Variants in LAMB2 observed in about 807,000 individuals in gnomAD.
The protein encoded by LAMB2 is laminin subunit beta-2.
A neutral mutation model predicts 202.7 loss-of-function variants in LAMB2; 119 were observed. The observed-to-expected ratio is 0.59, with a 90% CI of 0.51 to 0.68. The LOEUF (loss-of-function observed/expected upper bound fraction) is 0.68. Ranked by LOEUF, LAMB2 falls within the 30% of genes least tolerant of loss-of-function variation. The pLI is 0.00. For synonymous variants in LAMB2, 818 were observed against 902.2 expected (o/e 0.91, Z 1.67); for missense variants, 2,124 against 2,410.6 (o/e 0.88, Z 2.49).
At chr3:49,124,320 A>G (rs367666620) in intron 22 of LAMB2, 34 bp from the exon 23 acceptor site, 54 of 1,610,268 alleles carry the variant, frequency 3.4e-5, no homozygotes, top group Non-Finnish European at 4.2e-5. Context: ...CAGAGCCTCT[A>G]TAAGAGGCTA....
In LAMB2 at chr3:49,130,938, G is replaced by A. The variant is rs1298722490; in HGVS notation, c.915+12C>T. ...GCCCCTAGCCCTATCCCAACCGTCT[G>A]AAGCCCCTTACCATGCCCTCAGCAT... On this transcript the variant is annotated intron_variant, in intron 7 of 31. Coordinates refer to ENST00000305544, the MANE Select transcript of LAMB2 (RefSeq NM_002292.4). The surrounding 1 kb of genome is among the most constrained non-coding windows in gnomAD (Gnocchi z 5.0). 4 of 1,614,020 alleles carry A rather than the reference G, an allele frequency of 2.5e-6. No homozygotes were observed. In the African/African-American group the frequency reaches 4.0e-5, roughly 16 times the overall value.
In LAMB2 at chr3:49,124,740, G is replaced by C. The variant is rs201823350; in HGVS notation, c.3070C>G (p.Pro1024Ala). The C allele has an allele frequency of 1.9e-6, 3 of 1,614,220 alleles. No homozygotes were observed. The highest frequency in any genetic ancestry group is 2.5e-6 in the Non-Finnish European group (3 of 1,180,042). ...CGGGCAGCCTGCCCATGGAAGCCAG[G>C]CTTGCAGTGGGCACAGTGTGGACCC... is the stretch of plus-strand genomic sequence containing the variant. ...TEGPHCAHCK[P>A]GFHGQAARQS... The change falls in exon 21 of 32, where the codon CCT (proline) becomes GCT (alanine). Residue 1024 changes from proline (P) to alanine (A), a missense_variant. By Grantham distance (27) the Pro-to-Ala change is conservative. This residue lies in a region of LAMB2 where 1,702 missense variants were observed against 1,896.3 expected (regional missense o/e 0.90). Coordinates refer to ENST00000305544, the MANE Select transcript of LAMB2 (RefSeq NM_002292.4).
In LAMB2 at chr3:49,126,467, A is replaced by C. The variant is rs1312611976; in HGVS notation, c.2049T>G (p.Leu683=). The change falls in exon 16 of 32, where the codon CTT becomes CTG. Residue 683 remains leucine, a synonymous_variant. Coordinates refer to ENST00000305544, the MANE Select transcript of LAMB2 (RefSeq NM_002292.4). ...RYLIFPNPVC[L]EPGISYKLHL... ...GCAGCTTGTAGGAGATACCAGGCTC[A>C]AGGCAGACAGGATTAGGAAATATCA... The C allele has an allele frequency of 7.4e-6, 12 of 1,614,022 alleles. No individual in the cohort carries two copies. Among genetic ancestry groups the C allele is most frequent in the Non-Finnish European group, 8.5e-6 (10 of 1,180,016 alleles).
At chr3:49,126,617 G>C (rs2045418915) in intron 15 of LAMB2, 120 bp from the exon 16 acceptor site, 1 of 1,334,568 alleles carries the variant, frequency 7.5e-7, no homozygotes, top group South Asian at 1.3e-5. Flanking sequence ...CTATGGCTGG[G>C]TTGCGTTGGG....
At position 49,125,004 on chromosome 3, in the gene LAMB2, A is replaced by G. The variant is rs760488502; in HGVS notation, c.2884+2T>C. 1 of 1,613,806 alleles carries G rather than the reference A, an allele frequency of 6.2e-7. No individual in the cohort carries two copies. The highest frequency in any genetic ancestry group is 2.2e-5 in the East Asian group (1 of 44,868). Reference sequence around the variant, plus strand: ...ATCCCACGCCTGCCCCCATCCACTCACCCGTATAGCCTGCCCGGCAGTGGC... The same window carrying G: ...ATCCCACGCCTGCCCCCATCCACTCGCCCGTATAGCCTGCCCGGCAGTGGC... On this transcript the variant is annotated splice_donor_variant, in intron 20 of 31. Coordinates refer to ENST00000305544, the MANE Select transcript of LAMB2 (RefSeq NM_002292.4). LOFTEE classifies it high-confidence loss of function.
chr3:49,126,024 CAGAG>C lies in LAMB2; in HGVS notation c.2283_2286del (p.Ser762ArgfsTer29), dbSNP rs1472429542. On this transcript the variant is annotated frameshift_variant, in exon 17 of 32. Coordinates refer to ENST00000305544, the MANE Select transcript of LAMB2 (RefSeq NM_002292.4). LOFTEE classifies it high-confidence loss of function. ...CTGATGAGGAGGGGTGCGCAGGCCT[CAGAG>C]GGAGAAGTCTTGCTGGGCACCAGAC... is the stretch of plus-strand genomic sequence containing the variant. 6.2e-7 allele frequency: 1 copy of C among 1,614,156 alleles called. No homozygotes were observed.
chr3:49,125,056 T>A lies in LAMB2; in HGVS notation c.2834A>T (p.Gln945Leu). ...CACAATCTGCTGGGAATATTCATCC[T>A]GGTGGCAAGAAGTAGCAAAGTGCCG... ...SQRHFATSCH[Q>L]DEYSQQIVCH... The change falls in exon 20 of 32, where the codon CAG becomes CTG. Residue 945 changes from glutamine to leucine, a missense_variant. This residue lies in a region of LAMB2 where 1,702 missense variants were observed against 1,896.3 expected (regional missense o/e 0.90). Coordinates refer to ENST00000305544, the MANE Select transcript of LAMB2 (RefSeq NM_002292.4). 6.2e-7 allele frequency: 1 copy of A among 1,613,986 alleles called. No individual in the cohort carries two copies. The highest frequency in any genetic ancestry group is 8.5e-7 in the Non-Finnish European group (1 of 1,180,050).
In LAMB2 at chr3:49,129,798, G is replaced by T. The variant is rs754016806; in HGVS notation, c.1405+41C>A. 1 of 1,612,032 alleles carries T rather than the reference G, an allele frequency of 6.2e-7. No individual in the cohort carries two copies. Among genetic ancestry groups the T allele is most frequent in the South Asian group, 1.1e-5 (1 of 91,040 alleles). On this transcript the variant is annotated intron_variant, in intron 10 of 31. Transcript: ENST00000305544. This position sits in a 1 kb window ranked among gnomAD's most constrained non-coding sequence, Gnocchi z 6.1. ...GCTGAGTCAGGAGTAAGAGGACAGG[G>T]GTTAAAGGTCAGCATAGAAGTTAGG...
In LAMB2 at chr3:49,121,470, C is replaced by G. The variant is rs1172373243; in HGVS notation, c.5223G>C (p.Leu1741=). 14 of 1,614,038 alleles carry G rather than the reference C, an allele frequency of 8.7e-6. No individual in the cohort carries two copies. Among genetic ancestry groups the G allele is most frequent in the Non-Finnish European group, 1.1e-5 (13 of 1,180,046 alleles). ...AEQLRDEARD[L]LQAAQDKLQR... Reference sequence around the variant, plus strand: ...GCAGCTTGTCCTGAGCGGCTTGCAACAGGTCCCGAGCCTCATCCCGCAGTT... The same window carrying G: ...GCAGCTTGTCCTGAGCGGCTTGCAAGAGGTCCCGAGCCTCATCCCGCAGTT... Residue 1741 remains leucine (L), a synonymous_variant, in exon 31 of 32, where the codon CTG becomes CTC. Transcript: ENST00000305544.
At chr3:49,121,617 G>A (rs1484418284) in intron 30 of LAMB2, 25 bp from the exon 31 acceptor site, 1 of 1,614,042 alleles carries the variant, frequency 6.2e-7, no homozygotes, top group Admixed American at 1.7e-5. Context: ...GGTTAGGTTA[G>A]CGTGGTAGCT....
In LAMB2 at chr3:49,125,903, G is replaced by C; in HGVS notation, c.2345-13C>G. 3 of 1,614,132 alleles carry C rather than the reference G, an allele frequency of 1.9e-6. No individual in the cohort carries two copies. The highest frequency in any genetic ancestry group is 2.5e-6 in the Non-Finnish European group (3 of 1,180,010). On this transcript the variant is annotated splice_polypyrimidine_tract_variant and intron_variant, in intron 17 of 31. Transcript: ENST00000305544. The stretch of plus-strand genomic sequence containing the variant: ...TTGCACTGACATGCTGTGGGGAGGA[G>C]GGTTGGGCCAAGTCAGGCTGGGTCC...
chr3:49,121,730 T>C lies in LAMB2; in HGVS notation c.5054A>G (p.Glu1685Gly). ...ACCCTGGGCACTGCCTGCCGTTTCT[T>C]CTGCTGTAGAGGCTGCCAGACTATT... is the stretch of plus-strand genomic sequence containing the variant. ...AGNSLAASTA[E>G]ETAGSAQGRA... is the part of the protein sequence containing the mutation. The change falls in exon 30 of 32, where the codon GAA (glutamate) becomes GGA (glycine). Residue 1685 changes from glutamate (E) to glycine (G), a missense_variant. Around this residue, in one of 3 missense-constraint regions of LAMB2, gnomAD observed 1,702 missense variants for 1,896.3 expected, o/e 0.90. Transcript: ENST00000305544. The C allele has an allele frequency of 1.2e-6, 2 of 1,613,986 alleles. No individual in the cohort carries two copies. The highest frequency in any genetic ancestry group is 1.7e-6 in the Non-Finnish European group (2 of 1,180,042).
Position 49,131,684 on chromosome 3 carries a change from C to T in LAMB2, c.499G>A (p.Asp167Asn). The T allele has an allele frequency of 6.2e-7, 1 of 1,613,578 alleles. No homozygotes were observed. The highest frequency in any genetic ancestry group is 1.6e-4 in the Middle Eastern group (1 of 6,062). The change falls in exon 5 of 32, where the codon GAC becomes AAC. Residue 167 changes from aspartate (D) to asparagine (N), a missense_variant. Physicochemically the swap from Asp to Asn is conservative, Grantham distance 23. Around this residue, in one of 3 missense-constraint regions of LAMB2, gnomAD observed 256 missense variants for 356.1 expected, o/e 0.72. Transcript: ENST00000305544. This position sits in a 1 kb window ranked among gnomAD's most constrained non-coding sequence, Gnocchi z 5.0. ...TACACATGCCAGGTGCGGCCAAAGT[C>T]TGCTGAGCGTTCCACCAGCATGGCA... ...PAAMLVERSA[D>N]FGRTWHVYRY...
Position 49,121,856 on chromosome 3 carries a change from T to C in LAMB2, c.4928A>G (p.Gln1643Arg), listed in dbSNP as rs201844235. 1.6e-4 allele frequency: 253 copies of C among 1,613,214 alleles called. 2 individuals are homozygous for C. The South Asian group carries it at 2.6e-3, about 17-fold the overall frequency. ...RDTEQTLYQV[Q>R]ERMAGAERAL... ...CCGCTCTGCACCTGCCATCCTCTCC[T>C]GTACCTGCCATGGGTGAGCCAAAGG... Residue 1643 changes from glutamine to arginine, a missense_variant, in exon 30 of 32, where the codon CAG becomes CGG. This residue lies in a region of LAMB2 where 1,702 missense variants were observed against 1,896.3 expected (regional missense o/e 0.90). Coordinates refer to ENST00000305544, the MANE Select transcript of LAMB2 (RefSeq NM_002292.4).
In LAMB2 at chr3:49,131,610, T is replaced by C; in HGVS notation, c.573A>G (p.Leu191=). 1.2e-6 allele frequency: 2 copies of C among 1,613,790 alleles called. No homozygotes were observed. The highest frequency in any genetic ancestry group is 8.5e-7 in the Non-Finnish European group (1 of 1,180,000). Residue 191 remains leucine, a synonymous_variant, in exon 5 of 32, where the codon CTA becomes CTG. Transcript: ENST00000305544. This position sits in a 1 kb window ranked among gnomAD's most constrained non-coding sequence, Gnocchi z 5.0. The part of the protein sequence containing the change: ...DCGADFPGVP[L]APPRHWDDVV... ...CATCATCCCAGTGCCGTGGGGGTGC[T>C]AGTGGGACTCCTGGGAAGTCAGCCC...
rs2107645646 is a variant in LAMB2 at position 49,132,512 on chromosome 3, G to A, written c.228C>T (p.Tyr76=). 6.2e-7 allele frequency: 1 copy of A among 1,613,916 alleles called. No homozygotes were observed. The highest frequency in any genetic ancestry group is 8.5e-7 in the Non-Finnish European group (1 of 1,180,032). Residue 76 remains tyrosine, a synonymous_variant, in exon 2 of 32, where the codon TAC becomes TAT. Coordinates refer to ENST00000305544, the MANE Select transcript of LAMB2 (RefSeq NM_002292.4). The surrounding 1 kb of genome is among the most constrained non-coding windows in gnomAD (Gnocchi z 4.6). ...ACACCTGCAGGTGACTGACGATGCA[G>A]TAGGGCTGGGGGCCATTCAGGCCAC... ...STCGLNGPQP[Y]CIVSHLQDEK...
In LAMB2 at chr3:49,124,970, C is replaced by T. The variant is rs534939086; in HGVS notation, c.2884+36G>A. The stretch of plus-strand genomic sequence containing the variant: ...AGCTGTGAGTGCTCAGCCCAGCCAA[C>T]TCACCCTGATCCCACGCCTGCCCCC... On this transcript the variant is annotated intron_variant, in intron 20 of 31. Coordinates refer to ENST00000305544, the MANE Select transcript of LAMB2 (RefSeq NM_002292.4). The T allele has an allele frequency of 1.6e-4, 263 of 1,613,976 alleles. 1 individual carries two copies. In the South Asian group the frequency reaches 2.6e-3, roughly 16 times the overall value.
Position 49,132,901 on chromosome 3 carries a change from A to G in LAMB2, c.-34T>C, listed in dbSNP as rs201768942. The G allele has an allele frequency of 1.9e-6, 3 of 1,599,696 alleles. No homozygotes were observed. The East Asian group carries it at 6.7e-5, about 36-fold the overall frequency. On this transcript the variant is annotated 5_prime_UTR_variant, in exon 1 of 32. Transcript: ENST00000305544. The surrounding 1 kb of genome is among the most constrained non-coding windows in gnomAD (Gnocchi z 4.6). The stretch of plus-strand genomic sequence containing the variant: ...GGGGAACAGGGATAAGGGGAGGTGA[A>G]CGGTCTCGGGCCCGAGCCCTCCTCC...
In LAMB2 at chr3:49,131,645, A is replaced by T; in HGVS notation, c.538T>A (p.Tyr180Asn). Residue 180 changes from tyrosine (Y) to asparagine (N), a missense_variant, in exon 5 of 32, where the codon TAT (tyrosine) becomes AAT (asparagine). Physicochemically the swap from Tyr to Asn is moderately radical, Grantham distance 143. Coordinates refer to ENST00000305544, the MANE Select transcript of LAMB2 (RefSeq NM_002292.4). The surrounding 1 kb of genome is among the most constrained non-coding windows in gnomAD (Gnocchi z 5.0). The part of the protein sequence containing the change: ...RTWHVYRYFS[Y>N]DCGADFPGVP... ...CCTGGGAAGTCAGCCCCACAGTCAT[A>T]GGAGAAATATCGGTACACATGCCAG... 1 of 1,613,728 alleles carries T rather than the reference A, an allele frequency of 6.2e-7. No individual in the cohort carries two copies. Among genetic ancestry groups the T allele is most frequent in the Non-Finnish European group, 8.5e-7 (1 of 1,180,010 alleles).
Sources: allele counts gnomAD v4.1 joint callset, GRCh38; gene constraint gnomAD v4.1.1; regional missense constraint gnomAD v4.1.1; non-coding constraint Gnocchi (gnomAD v3.1); transcripts MANE v1.5; gene names NCBI Gene and HGNC (gene_info 2026-07-23, HGNC 2026-07-21).